PIGL: variants seen among roughly 807,000 people sequenced by gnomAD.
The protein encoded by PIGL is phosphatidylinositol glycan anchor biosynthesis class L, also known as N-acetylglucosaminyl-phosphatidylinositol de-N-acetylase.
A neutral mutation model predicts 31.1 loss-of-function variants in PIGL; 22 were observed. The observed-to-expected ratio is 0.71, with a 90% CI of 0.51 to 1.01. The LOEUF (loss-of-function observed/expected upper bound fraction) is 1.01. Ranked by LOEUF, PIGL falls within the 50% of genes least tolerant of loss-of-function variation. PIGL has a pLI of 0.00. For synonymous variants in PIGL, 131 were observed against 117.4 expected (o/e 1.12, Z -0.75); for missense variants, 302 against 315.9 (o/e 0.96, Z 0.33).
chr17:16,231,744 A>G (rs182078170), intron 1 of PIGL, among the ~76,000 whole-genome samples: 31 of 152,310 alleles, frequency 2.0e-4, no homozygotes, highest in Admixed American at 2.0e-3. Flanking sequence ...TAAGCATACA[A>G]TTGTGCATGA....
chr17:16,306,077 T>A (rs2093024953), intron 3 of PIGL, among the ~76,000 whole-genome samples: 1 of 152,076 alleles, frequency 6.6e-6, no homozygotes, highest in Non-Finnish European at 1.5e-5. Flanking sequence ...GCCTCCCGAG[T>A]AGCTGGGACT....
intron 2 of PIGL, among the ~76,000 whole-genome samples, chr17:16,260,047 C>G (rs979547303): frequency 2.0e-4 from 31 of 152,208 alleles, no homozygotes; most frequent in African/African-American, 7.0e-4. Context: ...CAGGGCAGCA[C>G]TGATACACCA....
intron 2 of PIGL, among the ~76,000 whole-genome samples, chr17:16,238,409 T>C (rs2092708570): frequency 6.7e-6 from 1 of 150,000 alleles, no homozygotes; most frequent in African/African-American, 2.4e-5. Context: ...TAAACCTTAG[T>C]GGAAGGTACT....
intron 6 of PIGL, 57 bp downstream of exon 6, chr17:16,317,965 C>T (rs2093085632): frequency 1.5e-5 from 22 of 1,439,692 alleles, no homozygotes; most frequent in African/African-American, 4.2e-5. Flanking sequence ...AGACCCCTGT[C>T]TCCTCAAAGC....
intron 2 of PIGL, among the ~76,000 whole-genome samples, chr17:16,258,143 GA>G (rs2092804433): frequency 3.3e-5 from 2 of 60,824 alleles, no homozygotes; most frequent in Non-Finnish European, 1.0e-4. Context: ...GAGAGAAAGA[GA>G]GAGAGAGAGA....
At chr17:16,235,926 C>T (rs2092698126) in intron 2 of PIGL, among the ~76,000 whole-genome samples, 1 of 151,938 alleles carries the variant, frequency 6.6e-6, no homozygotes, top group Non-Finnish European at 1.5e-5. Context: ...GGCAATGACT[C>T]CCTTTATTTT....
intron 2 of PIGL, among the ~76,000 whole-genome samples, chr17:16,274,863 C>A (rs558078901): frequency 2.1e-4 from 32 of 151,954 alleles, no homozygotes; most frequent in Non-Finnish European, 3.5e-4. Flanking sequence ...AAAACCCCGT[C>A]TCTACTAAAT....
intron 2 of PIGL, among the ~76,000 whole-genome samples, chr17:16,282,677 CT>C (rs1371344121): frequency 6.6e-6 from 1 of 152,160 alleles, no homozygotes; most frequent in Non-Finnish European, 1.5e-5. Flanking sequence ...TCCTCAAACT[CT>C]TTTTAAGAAT....
At chr17:16,278,523 ACT>A (rs2092904730) in intron 2 of PIGL, among the ~76,000 whole-genome samples, 3 of 152,180 alleles carry the variant, frequency 2.0e-5, no homozygotes, top group Admixed American at 2.0e-4. Flanking sequence ...TTCTAAGAAA[ACT>A]CTGTTGTGCT....
At chr17:16,243,407 A>AT (rs1472426078) in intron 2 of PIGL, among the ~76,000 whole-genome samples, 4 of 152,074 alleles carry the variant, frequency 2.6e-5, no homozygotes, top group Non-Finnish European at 4.4e-5. Flanking sequence ...ACTGTATTTG[A>AT]TTTGGGGTGG....
intron 2 of PIGL, among the ~76,000 whole-genome samples, chr17:16,293,724 T>G (rs1423431422): frequency 6.6e-6 from 1 of 152,212 alleles, no homozygotes; most frequent in African/African-American, 2.4e-5. Context: ...TTTAAAAAAT[T>G]GTTCATTGAC....
chr17:16,234,015 C>T lies in PIGL; in HGVS notation c.280C>T (p.Gln94Ter). ...QGETRKKELL[Q>*]SCDVLGIPLS... ...AGAGACTCGTAAGAAAGAACTTTTG[C>T]AGAGCTGTGATGTTTTGGGGATTCC... The change falls in exon 2 of 7, where the codon CAG becomes TAG. Residue 94 changes from glutamine (Q) to a stop codon, truncating the protein, a stop_gained. Coordinates refer to ENST00000225609, the MANE Select transcript of PIGL (RefSeq NM_004278.4). LOFTEE classifies it high-confidence loss of function. 11 of 1,609,468 alleles carry T rather than the reference C, an allele frequency of 6.8e-6. No homozygotes were observed. Among genetic ancestry groups the T allele is most frequent in the Non-Finnish European group, 9.4e-6 (11 of 1,175,984 alleles).
chr17:16,313,812 A>G (rs1459951911), intron 4 of PIGL, among the ~76,000 whole-genome samples, 198 bp downstream of exon 4: 1 of 152,204 alleles, frequency 6.6e-6, no homozygotes, highest in African/African-American at 2.4e-5. Flanking sequence ...CTCAAGTCCT[A>G]GTACGAATGC....
intron 2 of PIGL, among the ~76,000 whole-genome samples, chr17:16,287,698 C>T (rs1013977146): frequency 7.9e-5 from 12 of 152,148 alleles, no homozygotes; most frequent in African/African-American, 2.7e-4. Flanking sequence ...TCCTGTTATA[C>T]GTTGACATTC....
intron 1 of PIGL, among the ~76,000 whole-genome samples, chr17:16,231,067 C>CTTT (rs59390439): frequency 8.3e-5 from 8 of 96,518 alleles, no homozygotes; most frequent in East Asian, 2.3e-4. Context: ...TTTGGTTTTT[C>CTTT]TTTTTTTTTT....
intron 2 of PIGL, among the ~76,000 whole-genome samples, chr17:16,255,804 C>A (rs2092791477): frequency 6.6e-6 from 1 of 152,194 alleles, no homozygotes; most frequent in South Asian, 2.1e-4. Context: ...CAGTTCCAGT[C>A]CCTGTTGGCA....
chr17:16,312,481 T>C (rs7216781), intron 3 of PIGL: 8,934 of 151,366 alleles, frequency 0.059, 344 homozygotes, highest in African/African-American at 0.14. Flanking sequence ...AGACGATGGG[T>C]GGCCAGGCAG....
At position 16,306,240 on chromosome 17, in the gene PIGL, C is replaced by T. The variant is rs117905064; in HGVS notation, c.426+6262C>T. Among the ~76,000 whole-genome samples, 1,511 of 152,186 alleles carry T rather than the reference C, an allele frequency of 9.9e-3. 15 individuals carry two copies. Among genetic ancestry groups the T allele is most frequent in the South Asian group, 0.04 (194 of 4,824 alleles). The stretch of plus-strand genomic sequence containing the variant: ...TCGGGATTACAGACGTGAGCCACCG[C>T]GCCCAGCCTCGCTGTACAGTTTTTA... On this transcript the variant is annotated intron_variant, in intron 3 of 6. Coordinates refer to ENST00000225609, the MANE Select transcript of PIGL (RefSeq NM_004278.4).
intron 2 of PIGL, among the ~76,000 whole-genome samples, chr17:16,248,652 C>A (rs1291623697): frequency 6.6e-6 from 1 of 152,156 alleles, no homozygotes. Flanking sequence ...CATATTTCTA[C>A]CAACCATTCC....
Sources: gnomAD v4.1 joint callset for allele counts (sites outside exome capture counted in the v4.1 genomes callset) on GRCh38, gnomAD v4.1.1 for gene constraint, MANE v1.5 for transcripts, NCBI Gene and HGNC (gene_info 2026-07-23, HGNC 2026-07-21) for gene names.